ATP6V1H: variants seen among roughly 807,000 people sequenced by gnomAD.
The protein encoded by ATP6V1H is ATPase H+ transporting V1 subunit H, also known as V-type proton ATPase subunit H.
In ATP6V1H, 39 loss-of-function variants were observed where a neutral mutation model predicts 71.7. That is an observed-to-expected ratio of 0.54 (90% CI 0.42 to 0.71). The LOEUF is 0.71. Among genes scored for constraint, ATP6V1H ranks in the 30% least tolerant of loss-of-function variants. The pLI is 0.00. For missense variants in ATP6V1H, 509 were observed against 594.9 expected, an observed-to-expected ratio of 0.86 and a Z score of 1.50; for synonymous variants, 192 against 199.3, an observed-to-expected ratio of 0.96 and a Z score of 0.31.
chr8:53,715,860 G>C lies in ATP6V1H; in HGVS notation c.*104C>G. ...TAGCATTGGGAAAAGCTATATAACA[G>C]AGGAAATTCCAAGTAAAATCAAACA... On this transcript the variant is annotated 3_prime_UTR_variant, in exon 14 of 14. Transcript: ENST00000359530. The C allele has an allele frequency of 1.1e-6, 1 of 946,284 alleles. No homozygotes were observed. The highest frequency in any genetic ancestry group is 1.6e-5 in the African/African-American group (1 of 60,732). The allele number at this position is 946,284 out of a possible 1,614,324, so 58.6% of individuals were successfully genotyped here. A position where few individuals can be genotyped will look rare whatever the true frequency, so the allele number is the denominator to read the frequency against.
At chr8:53,794,763 G>T (rs957760806) in intron 9 of ATP6V1H, among the ~76,000 whole-genome samples, 7 of 152,186 alleles carry the variant, frequency 4.6e-5, no homozygotes, top group African/African-American at 1.7e-4. Context: ...TTGCATGTCT[G>T]CTACCTATCA....
At chr8:53,786,784 G>C (rs1169732768) in intron 9 of ATP6V1H, among the ~76,000 whole-genome samples, 2 of 152,244 alleles carry the variant, frequency 1.3e-5, no homozygotes, top group Admixed American at 6.5e-5. Context: ...TAATGGTGCA[G>C]AGGGATGTTG....
chr8:53,795,575 C>T (rs2130414375), intron 9 of ATP6V1H, 72 bp downstream of exon 9: 1 of 1,395,576 alleles, frequency 7.2e-7, no homozygotes. Context: ...TTTTTCCCGC[C>T]TGCTAAAAAC....
chr8:53,790,591 G>A (rs1809536346), intron 9 of ATP6V1H, among the ~76,000 whole-genome samples: 2 of 152,192 alleles, frequency 1.3e-5, no homozygotes, highest in East Asian at 1.9e-4. Context: ...ACTAAAGCAC[G>A]GAGAGGCTAA....
chr8:53,817,840 G>A (rs1236331997), intron 4 of ATP6V1H, among the ~76,000 whole-genome samples: 2 of 152,032 alleles, frequency 1.3e-5, no homozygotes, highest in East Asian at 1.9e-4. Flanking sequence ...ACCCACCACC[G>A]ATAACCAAGT....
chr8:53,795,214 G>A (rs940559558), intron 9 of ATP6V1H, among the ~76,000 whole-genome samples: 1 of 152,086 alleles, frequency 6.6e-6, no homozygotes, highest in Non-Finnish European at 1.5e-5. Flanking sequence ...ATCCTAATAG[G>A]ATAACTTTAC....
intron 13 of ATP6V1H, among the ~76,000 whole-genome samples, chr8:53,726,634 T>A (rs2130106195): frequency 6.6e-6 from 1 of 152,318 alleles, no homozygotes; most frequent in Admixed American, 6.5e-5. Context: ...TTTGAAACCC[T>A]AAGGCATAAA....
chr8:53,815,623 C>T (rs1267081408), intron 5 of ATP6V1H, among the ~76,000 whole-genome samples: 1 of 152,146 alleles, frequency 6.6e-6, no homozygotes, highest in African/African-American at 2.4e-5. Context: ...ACTAATGGGG[C>T]GCCTTTACTT....
rs1048360146 is a variant in ATP6V1H at position 53,801,914 on chromosome 8, T to C, written c.580-18A>G. On this transcript the variant is annotated intron_variant, in intron 7 of 13. Coordinates refer to ENST00000359530, the MANE Select transcript of ATP6V1H (RefSeq NM_015941.4). Reference sequence around the variant, plus strand: ...TGCGAACTCTGCACAAGAAGAAGTGTTGAGTTTTTAAATGGGAAGCATTTA... The same window carrying C: ...TGCGAACTCTGCACAAGAAGAAGTGCTGAGTTTTTAAATGGGAAGCATTTA... The C allele has an allele frequency of 1.2e-6, 2 of 1,606,850 alleles. No individual in the cohort carries two copies. Among genetic ancestry groups the C allele is most frequent in the Non-Finnish European group, 8.5e-7 (1 of 1,176,434 alleles).
chr8:53,736,703 G>A, intron 13 of ATP6V1H, among the ~76,000 whole-genome samples: 1 of 152,152 alleles, frequency 6.6e-6, no homozygotes, highest in East Asian at 1.9e-4. Flanking sequence ...CATCTGTCTT[G>A]CAGGAAGACC....
rs750900779 is a variant in ATP6V1H at position 53,743,718 on chromosome 8, A to G, written c.1278-28T>C. 2.7e-6 allele frequency: 4 copies of G among 1,508,996 alleles called. No individual in the cohort carries two copies. In the South Asian group the frequency reaches 3.5e-5, roughly 13 times the overall value. The allele number at this position is 1,508,996 out of a possible 1,614,324, so 93.5% of individuals were successfully genotyped here. Reference sequence around the variant, plus strand: ...GCAAACGGGAGAGACGTGGTGAGGAAGATGCAATTACTCTCAAATTCACAG... The same window carrying G: ...GCAAACGGGAGAGACGTGGTGAGGAGGATGCAATTACTCTCAAATTCACAG... On this transcript the variant is annotated intron_variant, in intron 12 of 13. Transcript: ENST00000359530.
chr8:53,732,994 A>G (rs909908379), intron 13 of ATP6V1H, among the ~76,000 whole-genome samples: 1 of 152,314 alleles, frequency 6.6e-6, no homozygotes, highest in African/African-American at 2.4e-5. Context: ...CGGAGCAGTG[A>G]TATACTGGGG....
At chr8:53,776,425 G>A (rs544375135) in intron 9 of ATP6V1H, among the ~76,000 whole-genome samples, 43 of 152,318 alleles carry the variant, frequency 2.8e-4, no homozygotes, top group Non-Finnish European at 4.6e-4. Flanking sequence ...GAAAGCAAGC[G>A]AGGGCTGTGA....
At chr8:53,827,174 G>C (rs1585832589) in intron 4 of ATP6V1H, among the ~76,000 whole-genome samples, 1 of 151,986 alleles carries the variant, frequency 6.6e-6, no homozygotes, top group East Asian at 1.9e-4. Context: ...CTAAGGTCAG[G>C]AGTTTTGAGA....
At chr8:53,728,390 A>C (rs146959993) in intron 13 of ATP6V1H, among the ~76,000 whole-genome samples, 2 of 152,368 alleles carry the variant, frequency 1.3e-5, no homozygotes, top group East Asian at 3.9e-4. Context: ...AGTGTGAAAA[A>C]AATGGAAAAT....
At chr8:53,723,497 T>A (rs1023052393) in intron 13 of ATP6V1H, among the ~76,000 whole-genome samples, 1 of 152,224 alleles carries the variant, frequency 6.6e-6, no homozygotes, top group Non-Finnish European at 1.5e-5. Flanking sequence ...ATTTTACCCC[T>A]CGGTGGTTTT....
intron 12 of ATP6V1H, among the ~76,000 whole-genome samples, chr8:53,755,949 G>A (rs890907527): frequency 2.1e-5 from 3 of 140,102 alleles, no homozygotes; most frequent in Non-Finnish European, 3.1e-5. Flanking sequence ...AGTAGAGACG[G>A]GGTTTCACCG....
At chr8:53,724,514 A>G (rs1263670803) in intron 13 of ATP6V1H, among the ~76,000 whole-genome samples, 3 of 151,656 alleles carry the variant, frequency 2.0e-5, no homozygotes, top group Non-Finnish European at 4.4e-5. Context: ...GCCATACGAT[A>G]TAAGATGGAA....
chr8:53,751,748 C>T lies in ATP6V1H; in HGVS notation c.1277+4807G>A, dbSNP rs560068825. ...ACAGTCGCGCAGCCTAGGCTCACTG[C>T]AACCTCCGCCTCCTGGGTTCAAGCG... On this transcript the variant is annotated intron_variant, in intron 12 of 13. Coordinates refer to ENST00000359530, the MANE Select transcript of ATP6V1H (RefSeq NM_015941.4). Among the ~76,000 whole-genome samples, 4 of 151,990 alleles carry T rather than the reference C, an allele frequency of 2.6e-5. No individual in the cohort carries two copies. In the South Asian group the frequency reaches 6.2e-4, roughly 24 times the overall value.
Sources: allele counts gnomAD v4.1 joint callset (sites outside exome capture counted in the v4.1 genomes callset), GRCh38; gene constraint gnomAD v4.1.1; transcripts MANE v1.5; gene names NCBI Gene and HGNC (gene_info 2026-07-23, HGNC 2026-07-21).